MAP4K3: variants seen among roughly 807,000 people sequenced by gnomAD.
MAP4K3 encodes the protein mitogen-activated protein kinase kinase kinase kinase 3.
Under a neutral mutation model 143.5 loss-of-function variants are expected in MAP4K3, and 94 were observed. That is an observed-to-expected ratio of 0.65 (90% CI 0.55 to 0.78). The LOEUF (loss-of-function observed/expected upper bound fraction) is 0.78. Ranked by LOEUF, MAP4K3 falls within the 30% of genes least tolerant of loss-of-function variation. The pLI is 0.00. For missense variants in MAP4K3, 1,077 were observed against 1,068.1 expected (o/e 1.01, Z -0.12); for synonymous variants, 416 against 347.2 (o/e 1.20, Z -2.20).
Position 39,332,150 on chromosome 2 carries a change from C to T in MAP4K3, c.458-161G>A, listed in dbSNP as rs538356950. On this transcript the variant is annotated intron_variant, in intron 7 of 33. Transcript: ENST00000263881. ...TTACAAATTTTAACCTTAATGGACT[C>T]GCATTAAAATATCACAAAGTAGTGA... 6.6e-5 allele frequency among the ~76,000 whole-genome samples: 10 copies of T among 152,082 alleles called. No homozygotes were observed. The East Asian group carries it at 7.7e-4, about 12-fold the overall frequency.
intron 1 of MAP4K3, among the ~76,000 whole-genome samples, chr2:39,392,815 A>C (rs567147096): frequency 6.6e-6 from 1 of 152,024 alleles, no homozygotes; most frequent in Admixed American, 6.5e-5. Flanking sequence ...TTTCGCCCTT[A>C]CTCTTCCACT....
At chr2:39,385,224 A>G (rs775479659) in intron 1 of MAP4K3, among the ~76,000 whole-genome samples, 1 of 152,170 alleles carries the variant, frequency 6.6e-6, no homozygotes, top group Non-Finnish European at 1.5e-5. Context: ...GTCATATCAT[A>G]TGGTAGGTAT....
intron 1 of MAP4K3, chr2:39,436,676 CG>C (rs894610885): frequency 3.9e-5 from 22 of 560,910 alleles, no homozygotes; most frequent in East Asian, 2.9e-4. Context: ...TCATGTCCAC[CG>C]GGGGGGCTCA....
chr2:39,329,306 A>C (rs1323783699), intron 8 of MAP4K3, among the ~76,000 whole-genome samples: 1 of 152,206 alleles, frequency 6.6e-6, no homozygotes, highest in African/African-American at 2.4e-5. Flanking sequence ...GCTCAACCCA[A>C]AACAATAAAG....
rs1237919995 is a variant in MAP4K3 at position 39,258,397 on chromosome 2, G to C, written c.2421C>G (p.Ser807Arg). 6.2e-7 allele frequency: 1 copy of C among 1,610,988 alleles called. No individual in the cohort carries two copies. Among genetic ancestry groups the C allele is most frequent in the East Asian group, 2.2e-5 (1 of 44,800 alleles). The change falls in exon 31 of 34, where the codon AGC (serine) becomes AGG (arginine). Residue 807 changes from serine (S) to arginine (R), a missense_variant. Physicochemically the swap from Ser to Arg is moderately radical, Grantham distance 110 (BLOSUM62 -1). Coordinates refer to ENST00000263881, the MANE Select transcript of MAP4K3 (RefSeq NM_003618.4). ...AGGTGAGTTCTGATGACAATTTCCT[G>C]CTAGATTTTAATCTTCCTTGGAGAT... ...IVNLQGRLKS[S>R]RKLSSELTFD...
intron 26 of MAP4K3, among the ~76,000 whole-genome samples, chr2:39,268,695 A>AAGG (rs1680885543): frequency 8.3e-6 from 1 of 121,200 alleles, no homozygotes. Context: ...GCTGGAGTGC[A>AAGG]GTGGCTTGAC....
intron 4 of MAP4K3, among the ~76,000 whole-genome samples, chr2:39,340,229 T>C (rs959396395): frequency 2.6e-5 from 4 of 152,056 alleles, no homozygotes; most frequent in Non-Finnish European, 4.4e-5. Flanking sequence ...GAGAGACACA[T>C]AGAAAGAAAT....
chr2:39,308,700 G>C (rs1182176696), intron 14 of MAP4K3, among the ~76,000 whole-genome samples: 4 of 151,880 alleles, frequency 2.6e-5, no homozygotes, highest in Non-Finnish European at 5.9e-5. Flanking sequence ...AAAGTATTTT[G>C]CTTTTATGAC....
chr2:39,353,724 AAGT>A (rs531404312), intron 3 of MAP4K3, among the ~76,000 whole-genome samples: 27 of 151,902 alleles, frequency 1.8e-4, no homozygotes, highest in African/African-American at 2.2e-4. Flanking sequence ...AAAAGTTAAG[AAGT>A]AGTAGTAGTA....
At chr2:39,405,204 C>T (rs1337367333) in intron 1 of MAP4K3, among the ~76,000 whole-genome samples, 3 of 152,206 alleles carry the variant, frequency 2.0e-5, no homozygotes, top group Non-Finnish European at 4.4e-5. Context: ...CCTCCCCCAG[C>T]TCCAGGCAGC....
At chr2:39,380,770 G>C (rs1255639719) in intron 1 of MAP4K3, among the ~76,000 whole-genome samples, 1 of 152,108 alleles carries the variant, frequency 6.6e-6, no homozygotes, top group African/African-American at 2.4e-5. Context: ...TTCCCTGTCA[G>C]AGTATTTAAA....
intron 13 of MAP4K3, among the ~76,000 whole-genome samples, chr2:39,315,096 C>T (rs1683068886): frequency 6.6e-6 from 1 of 152,156 alleles, no homozygotes; most frequent in Non-Finnish European, 1.5e-5. Context: ...AACTTATCCT[C>T]CCAAACAGTA....
rs529943882 is a variant in MAP4K3 at position 39,310,804 on chromosome 2, T to C, written c.998-1285A>G. Among the ~76,000 whole-genome samples, 12 of 152,336 alleles carry C rather than the reference T, an allele frequency of 7.9e-5. No homozygotes were observed. The South Asian group carries it at 1.7e-3, about 21-fold the overall frequency. On this transcript the variant is annotated intron_variant, in intron 13 of 33. Coordinates refer to ENST00000263881, the MANE Select transcript of MAP4K3 (RefSeq NM_003618.4). ...TAAACTAGGGTGAAATGATATCTCA[T>C]TGGGGTTTTTCTTTTTTGATTTGCA...
chr2:39,303,710 T>C lies in MAP4K3; in HGVS notation c.1120-3909A>G, dbSNP rs550606774. 6.6e-5 allele frequency among the ~76,000 whole-genome samples: 10 copies of C among 152,318 alleles called. 1 individual carries two copies. The South Asian group carries it at 2.1e-3, about 32-fold the overall frequency. On this transcript the variant is annotated intron_variant, in intron 15 of 33. Transcript: ENST00000263881. ...TGCACCACCATGCCCAGCTAATTTCTGTATTTTCAATAGAGATGCGGTTGC... is the reference window on the plus strand; with the variant it reads ...TGCACCACCATGCCCAGCTAATTTCCGTATTTTCAATAGAGATGCGGTTGC...
chr2:39,313,764 C>G (rs557375371), intron 13 of MAP4K3, among the ~76,000 whole-genome samples: 208 of 152,268 alleles, frequency 1.4e-3, no homozygotes, highest in Non-Finnish European at 2.4e-3. Context: ...CCACCCGCCT[C>G]GGCCTCCCAA....
At chr2:39,342,488 T>G (rs1268985209) in intron 4 of MAP4K3, among the ~76,000 whole-genome samples, 1 of 152,188 alleles carries the variant, frequency 6.6e-6, no homozygotes, top group Non-Finnish European at 1.5e-5. Flanking sequence ...GTAAGTAGCT[T>G]ATTTTCTTTA....
chr2:39,392,442 G>A (rs567803073), intron 1 of MAP4K3, among the ~76,000 whole-genome samples: 151 of 152,160 alleles, frequency 9.9e-4, no homozygotes, highest in Non-Finnish European at 2.1e-3. Context: ...CCAAAGTGAC[G>A]CTCTTAAATT....
chr2:39,373,025 C>G (rs941479980), intron 2 of MAP4K3, among the ~76,000 whole-genome samples: 1 of 152,074 alleles, frequency 6.6e-6, no homozygotes, highest in African/African-American at 2.4e-5. Context: ...CAGAAAATAT[C>G]TGCAAACTAC....
Position 39,325,782 on chromosome 2 carries a change from A to G in MAP4K3, c.755T>C (p.Met252Thr). 1 of 1,609,836 alleles carries G rather than the reference A, an allele frequency of 6.2e-7. No individual in the cohort carries two copies. Among genetic ancestry groups the G allele is most frequent in the Non-Finnish European group, 8.5e-7 (1 of 1,178,494 alleles). ...WSNSFHHFVK[M>T]ALTKNPKKRP... ...TTTTTTCGGATTTTTGGTAAGTGCC[A>G]TTTTCACAAAGTGATGAAAACTATT... Residue 252 changes from methionine to threonine, a missense_variant, in exon 11 of 34, where the codon ATG (methionine) becomes ACG (threonine). Transcript: ENST00000263881.
Sources: allele counts gnomAD v4.1 joint callset (sites outside exome capture counted in the v4.1 genomes callset), GRCh38; gene constraint gnomAD v4.1.1; transcripts MANE v1.5; gene names NCBI Gene and HGNC (gene_info 2026-07-23, HGNC 2026-07-21).